CHODL: variants seen among roughly 807,000 people sequenced by gnomAD.
CHODL encodes transmembrane protein MT75.
CHODL carries 29 observed loss-of-function variants against 34.5 expected under a neutral mutation model. The observed-to-expected ratio is 0.84, with a 90% CI of 0.63 to 1.15. The LOEUF (loss-of-function observed/expected upper bound fraction) is 1.15, where lower values mean the gene tolerates loss of function less well. CHODL is among the 50% of genes most tolerant of loss of function. The pLI is 0.00. For synonymous variants in CHODL, 125 were observed against 116.1 expected (o/e 1.08, Z -0.49); for missense variants, 332 against 332.5 (o/e 1.00, Z 0.01).
Position 18,248,669 on chromosome 21 carries a change from A to ATATTAT in CHODL, c.79+3367_79+3368insTATTAT, listed in dbSNP as rs1275781642. ...ATATATTATATACATATATATGTAT[A>ATATTAT]ATACATATATGTATATATTATATAC... On this transcript the variant is annotated intron_variant, in intron 1 of 5. Coordinates refer to ENST00000299295, the MANE Select transcript of CHODL (RefSeq NM_024944.3). 4.0e-3 allele frequency among the ~76,000 whole-genome samples: 407 copies of ATATTAT among 100,640 alleles called. 2 individuals are homozygous for ATATTAT. Among genetic ancestry groups the ATATTAT allele is most frequent in the African/African-American group, 0.016 (388 of 24,248 alleles). The allele number at this position is 100,640 out of a possible 152,430, so 66.0% of individuals were successfully genotyped here.
At chr21:18,242,827 A>G (rs1451804534), upstream of CHODL, among the ~76,000 whole-genome samples, 5 of 152,200 alleles carry the variant, frequency 3.3e-5, no homozygotes, top group Non-Finnish European at 7.3e-5. Flanking sequence ...TTCCTGAATT[A>G]CTAATACCAT....
intron 1 of CHODL, among the ~76,000 whole-genome samples, chr21:18,251,516 A>AAAATAAATATTTTTTAATATATAAAAT (rs369087998): frequency 5.3e-5 from 2 of 37,912 alleles, no homozygotes; most frequent in African/African-American, 1.8e-4. Flanking sequence ...TTTAATATAT[A>AAAATAAATATTTTTTAATATATAAAAT]AAATATTTAT....
chr21:18,050,532 A>G (rs2064500783), intron 2 of CHODL, among the ~76,000 whole-genome samples: 1 of 151,960 alleles, frequency 6.6e-6, no homozygotes, highest in South Asian at 2.1e-4. Context: ...AGTACAGATG[A>G]GTGACATAGA....
chr21:18,064,103 C>G (rs749658777), intron 2 of CHODL, among the ~76,000 whole-genome samples: 1 of 152,106 alleles, frequency 6.6e-6, no homozygotes, highest in Non-Finnish European at 1.5e-5. Flanking sequence ...CTTTTAAGAG[C>G]CTTTCTTTGT....
intron 2 of CHODL, among the ~76,000 whole-genome samples, chr21:18,050,009 G>T (rs1254528054): frequency 2.6e-5 from 4 of 151,976 alleles, no homozygotes; most frequent in Non-Finnish European, 4.4e-5. Flanking sequence ...CAGCCTAATG[G>T]AGTAGAAAGT....
intron 1 of CHODL, among the ~76,000 whole-genome samples, chr21:17,982,174 A>C (rs181210953): frequency 1.3e-5 from 2 of 152,148 alleles, no homozygotes; most frequent in African/African-American, 2.4e-5. Context: ...CTTATCCCCA[A>C]CTTAAGTATA....
At chr21:18,193,905 C>G (rs1029963656) in intron 2 of CHODL, among the ~76,000 whole-genome samples, 22 of 151,988 alleles carry the variant, frequency 1.4e-4, no homozygotes, top group African/African-American at 5.3e-4. Flanking sequence ...AAACCTGCCC[C>G]CCCTTGGTAA....
intron 2 of CHODL, among the ~76,000 whole-genome samples, chr21:18,217,191 G>A (rs2073838692): frequency 6.6e-6 from 1 of 152,022 alleles, no homozygotes; most frequent in Non-Finnish European, 1.5e-5. Flanking sequence ...TGGATCACAT[G>A]GTAGTTTTAT....
intron 2 of CHODL, among the ~76,000 whole-genome samples, chr21:18,226,957 G>A (rs1306921155): frequency 2.0e-5 from 3 of 152,074 alleles, no homozygotes; most frequent in African/African-American, 4.8e-5. Flanking sequence ...TTCCGGCTGC[G>A]ATAACAAAAT....
At chr21:18,040,799 C>T (rs2064366037) in intron 2 of CHODL, among the ~76,000 whole-genome samples, 2 of 151,080 alleles carry the variant, frequency 1.3e-5, no homozygotes, top group South Asian at 2.1e-4. Flanking sequence ...CTTTTGTCTA[C>T]TCGCAGGTGG....
intron 2 of CHODL, among the ~76,000 whole-genome samples, chr21:18,214,077 G>C (rs11909571): frequency 0.026 from 3,921 of 152,042 alleles, 174 homozygotes; most frequent in African/African-American, 0.089. Flanking sequence ...TCTATCCGTA[G>C]ACTCTAATAA....
intron 1 of CHODL, among the ~76,000 whole-genome samples, chr21:18,006,312 T>C (rs541678540): frequency 6.0e-5 from 9 of 149,484 alleles, no homozygotes; most frequent in Admixed American, 6.0e-4. Flanking sequence ...ATTGCACACG[T>C]ACCTATGTAA....
At chr21:18,120,487 A>G (rs1477535800) in intron 2 of CHODL, among the ~76,000 whole-genome samples, 2 of 152,110 alleles carry the variant, frequency 1.3e-5, no homozygotes, top group African/African-American at 4.8e-5. Context: ...TCACAGTTTT[A>G]TCGTGTTTTA....
intron 1 of CHODL, among the ~76,000 whole-genome samples, chr21:17,996,044 G>A (rs569589474): frequency 8.1e-4 from 123 of 151,984 alleles, no homozygotes; most frequent in Middle Eastern, 3.5e-3. Flanking sequence ...ATGTTATGTG[G>A]CATCTGATTG....
intron 2 of CHODL, among the ~76,000 whole-genome samples, chr21:18,055,822 A>C (rs575853353): frequency 3.5e-4 from 53 of 152,202 alleles, no homozygotes; most frequent in African/African-American, 1.2e-3. Flanking sequence ...TTTATAGAAT[A>C]TGTTCATAAG....
At chr21:18,095,202 A>G (rs1296113485) in intron 2 of CHODL, among the ~76,000 whole-genome samples, 1 of 152,074 alleles carries the variant, frequency 6.6e-6, no homozygotes, top group African/African-American at 2.4e-5. Flanking sequence ...AATACAAAAG[A>G]TCAATGGACC....
upstream of CHODL, chr21:18,244,725 G>A (rs2074115301): frequency 6.5e-6 from 1 of 153,324 alleles, no homozygotes; most frequent in Admixed American, 6.5e-5. Context: ...GAGGTGCTGG[G>A]ATGCTCCACA....
intron 1 of CHODL, among the ~76,000 whole-genome samples, chr21:18,252,230 A>G (rs908936289): frequency 6.6e-6 from 1 of 152,122 alleles, no homozygotes; most frequent in African/African-American, 2.4e-5. Context: ...GCTTAGTGTA[A>G]TAGAACCCGT....
rs943970281 is a variant in CHODL, at chr21:18,010,361, G to C, written c.-144-17511G>C. 4.0e-5 allele frequency among the ~76,000 whole-genome samples: 6 copies of C among 149,016 alleles called. No homozygotes were observed. In the South Asian group the frequency reaches 1.3e-3, roughly 32 times the overall value. On this transcript the variant is annotated intron_variant, in intron 1 of 6. Transcript: ENST00000400127. The stretch of plus-strand genomic sequence containing the variant: ...AAAAAAAGAAAACTGGTTCAACTCA[G>C]GAAAGTCTCCTGGTGGGTCAAATGT...
Sources: allele counts gnomAD v4.1 joint callset (sites outside exome capture counted in the v4.1 genomes callset), GRCh38; gene constraint gnomAD v4.1.1; transcripts MANE v1.5; gene names NCBI Gene and HGNC (gene_info 2026-07-23, HGNC 2026-07-21).